Variants in PTPRK observed in about 807,000 individuals in gnomAD.
PTPRK encodes receptor-type tyrosine-protein phosphatase kappa.
A neutral mutation model predicts 178.0 loss-of-function variants in PTPRK; 75 were observed. The ratio of observed to expected loss-of-function variants is 0.42; its 90% CI spans 0.35 to 0.51. PTPRK has a LOEUF of 0.51. Among genes scored for constraint, PTPRK ranks in the 20% least tolerant of loss-of-function variants. The pLI, the probability that PTPRK is intolerant of heterozygous loss-of-function variation, is 0.02. For synonymous variants in PTPRK, 637 were observed against 620.6 expected (o/e 1.03, Z -0.39); for missense variants, 1,441 against 1,797.8 (o/e 0.80, Z 3.59).
intron 7 of PTPRK, among the ~76,000 whole-genome samples, chr6:128,109,028 C>A (rs1008879397): frequency 6.6e-6 from 1 of 152,054 alleles, no homozygotes; most frequent in African/African-American, 2.4e-5. Flanking sequence ...TTTGGGGGAA[C>A]ACAAACATTT....
intron 1 of PTPRK, among the ~76,000 whole-genome samples, chr6:128,445,870 T>G (rs577407339): frequency 1.3e-5 from 2 of 152,166 alleles, no homozygotes; most frequent in Non-Finnish European, 2.9e-5. Context: ...TTTTCTTTTG[T>G]TTTTGAAACT....
chr6:128,257,353 T>C (rs1817506863), intron 3 of PTPRK, among the ~76,000 whole-genome samples: 2 of 152,154 alleles, frequency 1.3e-5, no homozygotes, highest in Non-Finnish European at 2.9e-5. Context: ...GGTGTTGTAA[T>C]GCCTTTAAAG....
intron 1 of PTPRK, among the ~76,000 whole-genome samples, chr6:128,505,929 T>C (rs773697132): frequency 6.6e-6 from 1 of 152,196 alleles, no homozygotes; most frequent in Non-Finnish European, 1.5e-5. Context: ...TGAAAAAGTC[T>C]TGGGGTTCAA....
chr6:128,007,966 G>T, intron 14 of PTPRK: 1 of 977,620 alleles, frequency 1.0e-6, no homozygotes, highest in Non-Finnish European at 1.5e-6. Flanking sequence ...CAACCACAGA[G>T]GGAGACAACA....
intron 1 of PTPRK, among the ~76,000 whole-genome samples, chr6:128,511,174 T>C (rs1209400908): frequency 6.6e-6 from 1 of 152,170 alleles, no homozygotes; most frequent in African/African-American, 2.4e-5. Context: ...GATCTGTAAA[T>C]GTATACAAGC....
intron 3 of PTPRK, among the ~76,000 whole-genome samples, chr6:128,298,746 A>T (rs1413863453): frequency 2.0e-5 from 3 of 152,130 alleles, no homozygotes; most frequent in Non-Finnish European, 4.4e-5. Context: ...ATCTATGACA[A>T]ACCCACAGCC....
Position 128,519,892 on chromosome 6 carries a change from C to G in PTPRK, c.100+367G>C, listed in dbSNP as rs181016537. 4.1e-4 allele frequency among the ~76,000 whole-genome samples: 62 copies of G among 152,314 alleles called. No individual in the cohort carries two copies. Among genetic ancestry groups the G allele is most frequent in the Non-Finnish European group, 7.5e-4 (51 of 68,030 alleles). The stretch of plus-strand genomic sequence containing the variant: ...GGAATTTGTTTAAACACCCAAGTGG[C>G]AGACAGCAACAAACCCGCACCACAA... On this transcript the variant is annotated intron_variant, in intron 1 of 29. Transcript: ENST00000368226. The surrounding 1 kb of genome is among the most constrained non-coding windows in gnomAD (Gnocchi z 4.3).
intron 5 of PTPRK, among the ~76,000 whole-genome samples, chr6:128,221,004 G>T (rs1393484530): frequency 6.6e-6 from 1 of 152,074 alleles, no homozygotes; most frequent in Non-Finnish European, 1.5e-5. Context: ...GCACTCATTG[G>T]TTCCAGCATT....
At chr6:127,980,232 C>A (rs892428282) in intron 25 of PTPRK, among the ~76,000 whole-genome samples, 3 of 152,224 alleles carry the variant, frequency 2.0e-5, no homozygotes, top group South Asian at 4.1e-4. Flanking sequence ...ATCGCTTGAA[C>A]CTGGGAAGCA....
chr6:128,518,913 A>T, intron 1 of PTPRK: 1 of 457,680 alleles, frequency 2.2e-6, no homozygotes, highest in South Asian at 1.6e-5. Context: ...ATGGAAGGGA[A>T]ATAAACGATT....
chr6:128,204,246 T>C (rs1338310889), intron 6 of PTPRK, among the ~76,000 whole-genome samples: 1 of 152,158 alleles, frequency 6.6e-6, no homozygotes, highest in African/African-American at 2.4e-5. Context: ...ACTGGACCCC[T>C]TCCTTAAAAC....
At chr6:128,276,660 A>T (rs1006969767) in intron 3 of PTPRK, among the ~76,000 whole-genome samples, 4 of 152,090 alleles carry the variant, frequency 2.6e-5, no homozygotes, top group Non-Finnish European at 4.4e-5. Context: ...AGGTAAACTG[A>T]TTCTTCCTTG....
intron 7 of PTPRK, among the ~76,000 whole-genome samples, chr6:128,096,770 A>G (rs934288218): frequency 6.6e-6 from 1 of 152,228 alleles, no homozygotes; most frequent in African/African-American, 2.4e-5. Flanking sequence ...TTATCAAAAC[A>G]AATACAAGAA....
intron 3 of PTPRK, among the ~76,000 whole-genome samples, chr6:128,301,466 G>C (rs1168935669): frequency 6.6e-6 from 1 of 151,904 alleles, no homozygotes; most frequent in Non-Finnish European, 1.5e-5. Context: ...TAACATTTAA[G>C]AAGCTGAGAG....
intron 13 of PTPRK, among the ~76,000 whole-genome samples, chr6:128,045,910 A>G (rs896184879): frequency 6.6e-6 from 1 of 152,092 alleles, no homozygotes; most frequent in Non-Finnish European, 1.5e-5. Flanking sequence ...GTAATATAAC[A>G]TTTTTATTCT....
At chr6:128,140,951 G>A (rs1226232832) in intron 7 of PTPRK, among the ~76,000 whole-genome samples, 3 of 151,886 alleles carry the variant, frequency 2.0e-5, no homozygotes, top group South Asian at 2.1e-4. Context: ...CATGTATAAG[G>A]GAGAATTATT....
Position 128,005,226 on chromosome 6 carries a change from G to A in PTPRK, c.2352C>T (p.Arg784=), listed in dbSNP as rs777518916. 6 of 1,611,058 alleles carry A rather than the reference G, an allele frequency of 3.7e-6. No homozygotes were observed. The Admixed American group carries it at 1.0e-4, about 27-fold the overall frequency. The change falls in exon 15 of 30, where the codon CGC becomes CGT. Residue 784 remains arginine, a synonymous_variant. Coordinates refer to ENST00000368226, the MANE Select transcript of PTPRK (RefSeq NM_002844.4). ...IVKKSKLAKK[R]KDAMGNTRQE... is the part of the protein sequence containing the mutation. Reference sequence around the variant, plus strand: ...GCCGGGTATTCCCCATGGCATCTTTGCGTTTTTTAGCAAGTTTGCTGCCAA... The same window carrying A: ...GCCGGGTATTCCCCATGGCATCTTTACGTTTTTTAGCAAGTTTGCTGCCAA...
intron 1 of PTPRK, among the ~76,000 whole-genome samples, chr6:128,412,452 T>G (rs1207909307): frequency 1.3e-5 from 2 of 152,198 alleles, no homozygotes; most frequent in East Asian, 3.9e-4. Context: ...CACCAAGCCA[T>G]AGTTCAAATC....
At chr6:128,386,863 T>G (rs1330308777) in intron 2 of PTPRK, among the ~76,000 whole-genome samples, 1 of 151,832 alleles carries the variant, frequency 6.6e-6, no homozygotes, top group East Asian at 1.9e-4. Context: ...AGATCAGGAG[T>G]TTGAGACCAG....
Sources: gnomAD v4.1 joint callset for allele counts (sites outside exome capture counted in the v4.1 genomes callset) on GRCh38, gnomAD v4.1.1 for gene constraint, Gnocchi (gnomAD v3.1) non-coding constraint, MANE v1.5 for transcripts, NCBI Gene and HGNC (gene_info 2026-07-23, HGNC 2026-07-21) for gene names.